Variants in TMEM143 observed in about 807,000 individuals in gnomAD.
The protein encoded by TMEM143 is transmembrane protein 143.
A neutral mutation model predicts 40.3 loss-of-function variants in TMEM143; 45 were observed. The ratio of observed to expected loss-of-function variants is 1.12; its 90% CI spans 0.88 to 1.43. TMEM143 has a LOEUF of 1.43. TMEM143 is among the 40% of genes most tolerant of loss of function. The pLI is 0.00. For synonymous variants in TMEM143, 299 were observed against 282.7 expected, an observed-to-expected ratio of 1.06 and a Z score of -0.58; for missense variants, 620 against 613.4, an observed-to-expected ratio of 1.01 and a Z score of -0.11.
At chr19:48,350,853 C>T (rs746958953) in intron 3 of TMEM143, among the ~76,000 whole-genome samples, 5 of 122,724 alleles carry the variant, frequency 4.1e-5, no homozygotes, top group South Asian at 2.7e-4. Flanking sequence ...ACTCAGGAGG[C>T]GGAGGTTGCA....
At chr19:48,349,956 T>C (rs866504069) in intron 3 of TMEM143, among the ~76,000 whole-genome samples, 3 of 151,866 alleles carry the variant, frequency 2.0e-5, no homozygotes, top group Non-Finnish European at 4.4e-5. Flanking sequence ...TGTAATTTTG[T>C]TTTAGTTATG....
At chr19:48,338,161 A>G (rs1229750003) in intron 6 of TMEM143, among the ~76,000 whole-genome samples, 1 of 151,962 alleles carries the variant, frequency 6.6e-6, no homozygotes, top group African/African-American at 2.4e-5. Context: ...CCCTTCGCCA[A>G]CCTGTCAGTC....
chr19:48,356,024 A>T (rs79714417), intron 3 of TMEM143, among the ~76,000 whole-genome samples: 2,458 of 152,168 alleles, frequency 0.016, 67 homozygotes, highest in African/African-American at 0.056. Flanking sequence ...TTGCTGGGAG[A>T]ATTAAGTGCC....
At chr19:48,357,868 C>G (rs1969945334) in intron 3 of TMEM143, among the ~76,000 whole-genome samples, 1 of 146,608 alleles carries the variant, frequency 6.8e-6, no homozygotes. Flanking sequence ...TAAGTGGAAG[C>G]TAAGTAAGCT....
intron 2 of TMEM143, among the ~76,000 whole-genome samples, chr19:48,362,186 G>A (rs1034801869): frequency 6.8e-6 from 1 of 148,144 alleles, no homozygotes; most frequent in Non-Finnish European, 1.5e-5. Flanking sequence ...ATTTGTGTGT[G>A]TATCAAGTCC....
intron 6 of TMEM143, among the ~76,000 whole-genome samples, chr19:48,337,390 T>C (rs1042130787): frequency 4.0e-5 from 6 of 151,432 alleles, no homozygotes; most frequent in African/African-American, 1.5e-4. Context: ...CTACTAAAAA[T>C]ACAAAAAATT....
chr19:48,355,925 A>G (rs184566360), intron 3 of TMEM143, among the ~76,000 whole-genome samples: 32 of 152,240 alleles, frequency 2.1e-4, no homozygotes, highest in African/African-American at 7.2e-4. Context: ...CACCATGCAT[A>G]TGTGACTGAC....
chr19:48,359,278 C>T (rs1045390870), intron 3 of TMEM143, among the ~76,000 whole-genome samples: 5 of 152,134 alleles, frequency 3.3e-5, no homozygotes, highest in Non-Finnish European at 5.9e-5. Flanking sequence ...CCACCCTCCC[C>T]GCACATTCAC....
rs1336761781 is a variant in TMEM143 at position 48,345,232 on chromosome 19, G to T, written c.492C>A (p.Ala164=). The T allele has an allele frequency of 1.9e-6, 3 of 1,613,492 alleles. No homozygotes were observed. Among genetic ancestry groups the T allele is most frequent in the Non-Finnish European group, 2.5e-6 (3 of 1,179,688 alleles). ...LRALEPLLAQ[A]NFSPLSEDTL... The stretch of plus-strand genomic sequence containing the variant: ...TGTCCTCAGACAGCGGGGAGAAGTT[G>T]GCCTGGGCCAGCAGGGGCTCCAGAG... The change falls in exon 4 of 8, where the codon GCC becomes GCA. Residue 164 remains alanine, a synonymous_variant. Transcript: ENST00000293261.
chr19:48,340,550 C>T (rs1179547415), intron 6 of TMEM143, among the ~76,000 whole-genome samples: 1 of 152,104 alleles, frequency 6.6e-6, no homozygotes, highest in Non-Finnish European at 1.5e-5. Flanking sequence ...CAGGCATGTG[C>T]CACCATGCCT....
At chr19:48,359,505 CTTTG>C (rs1969985212) in intron 3 of TMEM143, among the ~76,000 whole-genome samples, 1 of 135,942 alleles carries the variant, frequency 7.4e-6, no homozygotes, top group Admixed American at 8.5e-5. Context: ...TCTCACCCCT[CTTTG>C]TTTTTTTTTT....
At chr19:48,334,450 CT>C (rs1428236357) in intron 6 of TMEM143, among the ~76,000 whole-genome samples, 2 of 44,942 alleles carry the variant, frequency 4.5e-5, no homozygotes, top group East Asian at 4.6e-4. Flanking sequence ...TTCTTTCTTT[CT>C]TTCTTTCTTT....
intron 6 of TMEM143, among the ~76,000 whole-genome samples, chr19:48,335,523 G>C (rs1052921481): frequency 2.0e-5 from 3 of 152,148 alleles, no homozygotes; most frequent in Non-Finnish European, 2.9e-5. Context: ...TTGGAAGTTC[G>C]AGACCAGCCT....
chr19:48,342,994 A>G (rs1969538724), intron 5 of TMEM143, 185 bp from the exon 6 acceptor site: 1 of 759,524 alleles, frequency 1.3e-6, no homozygotes, highest in South Asian at 1.9e-5. Flanking sequence ...CAATCGCGCC[A>G]TCGATCCCTG....
chr19:48,333,872 G>A lies in TMEM143; in HGVS notation c.1165+136C>T, dbSNP rs1969275752. The A allele has an allele frequency of 2.1e-6, 2 of 935,844 alleles. No homozygotes were observed. The highest frequency in any genetic ancestry group is 3.1e-6 in the Non-Finnish European group (2 of 645,330). 58.0% of individuals were successfully genotyped at this position (935,844 alleles called of 1,614,324 possible). A position where few individuals can be genotyped will look rare whatever the true frequency, so the allele number is the denominator to read the frequency against. On this transcript the variant is annotated intron_variant, in intron 7 of 7. Coordinates refer to ENST00000293261, the MANE Select transcript of TMEM143 (RefSeq NM_018273.4). The surrounding 1 kb of genome is among the most constrained non-coding windows in gnomAD (Gnocchi z 4.1). Reference sequence around the variant, plus strand: ...ATCGGAGTCTGGATTCGGAGGTCCTGTCTGCTGAGGGCCGGGGTCTCTTCG... The same window carrying A: ...ATCGGAGTCTGGATTCGGAGGTCCTATCTGCTGAGGGCCGGGGTCTCTTCG...
At position 48,343,410 on chromosome 19, in the gene TMEM143, C is replaced by T. The variant is rs764523568; in HGVS notation, c.606G>A (p.Trp202Ter). 1.4e-5 allele frequency: 23 copies of T among 1,593,098 alleles called. No individual in the cohort carries two copies. The Admixed American group carries it at 3.0e-4, about 21-fold the overall frequency. The change falls in exon 5 of 8, where the codon TGG becomes TGA. Residue 202 changes from tryptophan (W) to a stop codon, truncating the protein, a stop_gained. Transcript: ENST00000293261. LOFTEE classifies it high-confidence loss of function. ...NLDQYVYIHFWALGQRVGQMP... is the reference protein window; with the variant it reads ...NLDQYVYIHF ...TCTGCCCGACTCGCTGGCCCAGGGC[C>T]CAGAAGTGAATGTAGACATACTGAT...
chr19:48,334,469 TCTTTCTTTCTTTTTCTTTCTTTCTTTCG>T (rs1969315459), intron 6 of TMEM143, among the ~76,000 whole-genome samples: 1 of 56,154 alleles, frequency 1.8e-5, no homozygotes, highest in African/African-American at 5.2e-5. Flanking sequence ...TTTCTTTCTT[TCTTTCTTTCTTTTTCTTTCTTTCTTTCG>T]TTCTTTCTTT....
chr19:48,343,477 G>A (rs780004579), intron 4 of TMEM143, 26 bp from the exon 5 acceptor site: 10 of 1,556,166 alleles, frequency 6.4e-6, no homozygotes, highest in Non-Finnish European at 8.7e-6. Context: ...AGGAAGCAGT[G>A]GCGGGTGAAC....
At chr19:48,356,073 C>T (rs899451943) in intron 3 of TMEM143, among the ~76,000 whole-genome samples, 3 of 152,036 alleles carry the variant, frequency 2.0e-5, no homozygotes, top group South Asian at 2.1e-4. Flanking sequence ...TGGACGCTCA[C>T]GCCTGGTCTG....
Sources: gnomAD v4.1 joint callset for allele counts (sites outside exome capture counted in the v4.1 genomes callset) on GRCh38, gnomAD v4.1.1 for gene constraint, Gnocchi (gnomAD v3.1) non-coding constraint, MANE v1.5 for transcripts, NCBI Gene and HGNC (gene_info 2026-07-23, HGNC 2026-07-21) for gene names.